Variants in RXRG observed in about 807,000 individuals in gnomAD.
RXRG encodes the protein retinoic acid receptor RXR-gamma.
Under a neutral mutation model 49.2 loss-of-function variants are expected in RXRG, and 19 were observed. That is an observed-to-expected ratio of 0.39 (90% confidence interval 0.27 to 0.57). The LOEUF (loss-of-function observed/expected upper bound fraction) is 0.57. RXRG is among the 20% of genes least tolerant of loss of function. RXRG has a pLI of 0.64. For missense variants in RXRG, 452 were observed against 592.5 expected (o/e 0.76, Z 2.46); for synonymous variants, 224 against 216.6 (o/e 1.03, Z -0.30).
intron 6 of RXRG, 66 bp from the exon 7 acceptor site, chr1:165,409,756 C>T: frequency 7.5e-7 from 1 of 1,336,296 alleles, no homozygotes; most frequent in Non-Finnish European, 9.7e-7. Flanking sequence ...TATAATCACC[C>T]AAGGCATGTA....
At chr1:165,423,466 T>C (rs1658387779) in intron 2 of RXRG, among the ~76,000 whole-genome samples, 1 of 152,228 alleles carries the variant, frequency 6.6e-6, no homozygotes, top group Non-Finnish European at 1.5e-5. Context: ...CCTGCATTTC[T>C]GAACTGTGTT....
chr1:165,412,026 G>C (rs368680584), intron 4 of RXRG, among the ~76,000 whole-genome samples: 97 of 152,264 alleles, frequency 6.4e-4, no homozygotes, highest in African/African-American at 2.2e-3. Flanking sequence ...CAGGTGACTA[G>C]CCTGAAACTC....
chr1:165,408,213 T>C lies in RXRG; in HGVS notation c.1138+14A>G. On this transcript the variant is annotated intron_variant, in intron 8 of 9. Coordinates refer to ENST00000359842, the MANE Select transcript of RXRG (RefSeq NM_006917.5). ...GCTGAACACACACATCCCCTGGGGT[T>C]GAAGGGCGGTTACCTGGGTTAAAGA... 6.2e-7 allele frequency: 1 copy of C among 1,606,116 alleles called. No individual in the cohort carries two copies. Among genetic ancestry groups the C allele is most frequent in the African/African-American group, 1.3e-5 (1 of 74,854 alleles).
At chr1:165,434,584 C>T (rs1014486665) in intron 1 of RXRG, among the ~76,000 whole-genome samples, 7 of 152,190 alleles carry the variant, frequency 4.6e-5, no homozygotes, top group South Asian at 4.1e-4. Context: ...TCATTGATAA[C>T]GGCTAATGCC....
chr1:165,437,241 C>A, intron 1 of RXRG: 1 of 1,364,944 alleles, frequency 7.3e-7, no homozygotes, highest in Non-Finnish European at 9.8e-7. Context: ...TCAGCCAGCA[C>A]GCCTGGCTAA....
rs1172161269 is a variant in RXRG, at chr1:165,420,021, G to C, written c.298-7C>G. The C allele has an allele frequency of 6.3e-7, 1 of 1,585,880 alleles. No homozygotes were observed. Among genetic ancestry groups the C allele is most frequent in the South Asian group, 1.2e-5 (1 of 86,910 alleles). Reference sequence around the variant, plus strand: ...CACTGTTGACCACATTTAGCTGCAAGAGAAAAAAATACTGTAAAGCACAGA... The same window carrying C: ...CACTGTTGACCACATTTAGCTGCAACAGAAAAAAATACTGTAAAGCACAGA... On this transcript the variant is annotated splice_region_variant and splice_polypyrimidine_tract_variant and intron_variant, in intron 2 of 9. Coordinates refer to ENST00000359842, the MANE Select transcript of RXRG (RefSeq NM_006917.5).
intron 1 of RXRG, among the ~76,000 whole-genome samples, chr1:165,430,906 A>G (rs1658652230): frequency 1.3e-5 from 2 of 152,184 alleles, no homozygotes; most frequent in Admixed American, 1.3e-4. Context: ...TCAACCTTCA[A>G]GGTCTAACTC....
intron 4 of RXRG, among the ~76,000 whole-genome samples, chr1:165,416,557 G>A (rs1442178404): frequency 6.6e-6 from 1 of 152,180 alleles, no homozygotes; most frequent in African/African-American, 2.4e-5. Context: ...AACTCAGTGA[G>A]TGAAATGAAA....
intron 1 of RXRG, among the ~76,000 whole-genome samples, chr1:165,430,177 T>C (rs923465475): frequency 1.3e-5 from 2 of 152,168 alleles, no homozygotes; most frequent in African/African-American, 4.8e-5. Context: ...GCTACCCCAT[T>C]CTCAGATGCC....
intron 8 of RXRG, 55 bp from the exon 9 acceptor site, chr1:165,406,972 C>A: frequency 1.5e-6 from 2 of 1,292,758 alleles, no homozygotes; most frequent in South Asian, 2.4e-5. Context: ...CAGAGGCTGT[C>A]CCCATTCTCT....
chr1:165,406,426 A>G (rs1657751686), intron 9 of RXRG, among the ~76,000 whole-genome samples: 1 of 152,250 alleles, frequency 6.6e-6, no homozygotes, highest in African/African-American at 2.4e-5. Flanking sequence ...AAATCACACG[A>G]ACAGGGTTCA....
chr1:165,408,177 C>G (rs773276076), intron 8 of RXRG, 50 bp downstream of exon 8: 3 of 1,381,438 alleles, frequency 2.2e-6, no homozygotes, highest in Non-Finnish European at 3.1e-6. Context: ...GGAGGTTGAC[C>G]GTGGAAGAGG....
At chr1:165,401,913 C>A (rs964892154) in intron 9 of RXRG, among the ~76,000 whole-genome samples, 28 of 152,136 alleles carry the variant, frequency 1.8e-4, no homozygotes, top group African/African-American at 6.8e-4. Context: ...GTTTCCAGCC[C>A]CCACAAAAAA....
At position 165,420,023 on chromosome 1, in the gene RXRG, GA is replaced by G. The variant is rs779892873; in HGVS notation, c.298-10del. 2.0e-5 allele frequency: 32 copies of G among 1,583,756 alleles called. No homozygotes were observed. The Admixed American group carries it at 4.8e-4, about 24-fold the overall frequency. On this transcript the variant is annotated splice_polypyrimidine_tract_variant and intron_variant, in intron 2 of 9. Coordinates refer to ENST00000359842, the MANE Select transcript of RXRG (RefSeq NM_006917.5). ...CTGTTGACCACATTTAGCTGCAAGA[GA>G]AAAAAATACTGTAAAGCACAGAGCC... is the stretch of plus-strand genomic sequence containing the variant.
intron 2 of RXRG, chr1:165,424,970 G>A (rs1557920335): frequency 1.0e-6 from 1 of 985,376 alleles, no homozygotes; most frequent in Non-Finnish European, 1.2e-6. Flanking sequence ...ACACTGCTCA[G>A]GGTCTCAGGC....
intron 3 of RXRG, 40 bp from the exon 4 acceptor site, chr1:165,417,260 G>A: frequency 6.5e-7 from 1 of 1,539,642 alleles, no homozygotes; most frequent in Non-Finnish European, 8.8e-7. Context: ...TTGTTCTTGT[G>A]TTTATTTGGA....
At chr1:165,407,675 T>A (rs1406954653) in intron 8 of RXRG, among the ~76,000 whole-genome samples, 1 of 152,226 alleles carries the variant, frequency 6.6e-6, no homozygotes, top group Non-Finnish European at 1.5e-5. Flanking sequence ...CAGACTCATA[T>A]GAGCAGTTGC....
intron 1 of RXRG, among the ~76,000 whole-genome samples, chr1:165,442,504 G>T (rs1489422124): frequency 6.6e-6 from 1 of 152,140 alleles, no homozygotes; most frequent in Non-Finnish European, 1.5e-5. Flanking sequence ...CTGAACCATT[G>T]TGTTTACTTC....
intron 1 of RXRG, among the ~76,000 whole-genome samples, chr1:165,435,550 T>C (rs536485152): frequency 7.6e-4 from 116 of 152,290 alleles, no homozygotes; most frequent in African/African-American, 2.5e-3. Flanking sequence ...TAGTGGAAGG[T>C]AAGCCCAGAT....
Sources: allele counts gnomAD v4.1 joint callset (sites outside exome capture counted in the v4.1 genomes callset), GRCh38; gene constraint gnomAD v4.1.1; transcripts MANE v1.5; gene names NCBI Gene and HGNC (gene_info 2026-07-23, HGNC 2026-07-21).